Variants in FRYL observed in about 807,000 individuals in gnomAD.
The protein encoded by FRYL is protein furry homolog-like.
In FRYL, 150 loss-of-function variants were observed where a neutral mutation model predicts 351.2. The observed-to-expected ratio is 0.43, with a 90% CI of 0.37 to 0.49. The LOEUF (loss-of-function observed/expected upper bound fraction) is 0.49, where lower values mean the gene tolerates loss of function less well. Ranked by LOEUF, FRYL falls within the 20% of genes least tolerant of loss-of-function variation. The pLI is 0.00. For synonymous variants in FRYL, 1,153 were observed against 1,257.1 expected, an observed-to-expected ratio of 0.92 and a Z score of 1.75; for missense variants, 3,036 against 3,619.3, an observed-to-expected ratio of 0.84 and a Z score of 4.13.
At chr4:48,775,454 C>T (rs369041154) in intron 1 of FRYL, among the ~76,000 whole-genome samples, 3 of 152,080 alleles carry the variant, frequency 2.0e-5, no homozygotes, top group African/African-American at 4.8e-5. Flanking sequence ...CTGATTAGGC[C>T]GCCTGGCTGC....
intron 3 of FRYL, chr4:48,638,386 T>A (rs1458569905): frequency 6.6e-6 from 1 of 151,528 alleles, no homozygotes; most frequent in African/African-American, 2.4e-5. Context: ...AGTAAAAAAA[T>A]ATCTGTGACT....
At chr4:48,519,831 T>G (rs1378225165) in intron 55 of FRYL, among the ~76,000 whole-genome samples, 1 of 152,038 alleles carries the variant, frequency 6.6e-6, no homozygotes, top group Non-Finnish European at 1.5e-5. Flanking sequence ...CCTCCCGGGT[T>G]CAAGTGATTC....
chr4:48,570,160 G>A (rs544936843), intron 27 of FRYL, among the ~76,000 whole-genome samples: 2 of 152,088 alleles, frequency 1.3e-5, no homozygotes, highest in East Asian at 1.9e-4. Context: ...TTTTGGATAT[G>A]GTCACATCTA....
chr4:48,527,257 T>C (rs946668610), intron 53 of FRYL, among the ~76,000 whole-genome samples: 1 of 152,202 alleles, frequency 6.6e-6, no homozygotes, highest in Non-Finnish European at 1.5e-5. Context: ...AGCCATTTTT[T>C]AATTTTATAT....
chr4:48,502,463 T>C (rs1160275334), intron 61 of FRYL, among the ~76,000 whole-genome samples: 2 of 151,192 alleles, frequency 1.3e-5, no homozygotes, highest in Non-Finnish European at 2.9e-5. Flanking sequence ...GAGAATCGCT[T>C]GAACCTGGGA....
At chr4:48,603,091 T>C (rs1300722326) in intron 12 of FRYL, among the ~76,000 whole-genome samples, 199 bp downstream of exon 12, 1 of 152,130 alleles carries the variant, frequency 6.6e-6, no homozygotes, top group Non-Finnish European at 1.5e-5. Flanking sequence ...ACTCAACAAA[T>C]GCAGAGCTAG....
chr4:48,727,486 C>T (rs1272927695), intron 1 of FRYL: 2 of 152,106 alleles, frequency 1.3e-5, no homozygotes, highest in African/African-American at 2.4e-5. Flanking sequence ...GGAAGAAAAA[C>T]CTGACCTGTA....
chr4:48,752,570 A>G (rs542633933), intron 1 of FRYL, among the ~76,000 whole-genome samples: 1 of 152,298 alleles, frequency 6.6e-6, no homozygotes, highest in African/African-American at 2.4e-5. Context: ...TTCTCTGGTG[A>G]TATGTGCTGA....
chr4:48,583,139 G>T (rs761127682), intron 19 of FRYL, among the ~76,000 whole-genome samples: 1 of 151,332 alleles, frequency 6.6e-6, no homozygotes, highest in Non-Finnish European at 1.5e-5. Context: ...GCAAGGACAC[G>T]ATTTATCTCA....
At chr4:48,547,191 T>C (rs918304172) in intron 41 of FRYL, among the ~76,000 whole-genome samples, 1 of 152,226 alleles carries the variant, frequency 6.6e-6, no homozygotes, top group African/African-American at 2.4e-5. Context: ...TGTATGTTTT[T>C]AATGCAGTAA....
intron 21 of FRYL, among the ~76,000 whole-genome samples, chr4:48,581,199 C>T (rs1399550160): frequency 2.6e-5 from 4 of 152,010 alleles, no homozygotes; most frequent in Admixed American, 6.6e-5. Flanking sequence ...CGCCACCACG[C>T]CCGGCTAATT....
chr4:48,682,447 C>T (rs950080653), intron 3 of FRYL, among the ~76,000 whole-genome samples: 1 of 152,124 alleles, frequency 6.6e-6, no homozygotes, highest in African/African-American at 2.4e-5. Context: ...AGCTTCTGCA[C>T]AGCCAAAGAA....
chr4:48,779,904 C>T (rs1325725873), intron 1 of FRYL, among the ~76,000 whole-genome samples, 174 bp downstream of exon 1: 1 of 151,956 alleles, frequency 6.6e-6, no homozygotes, highest in Admixed American at 6.5e-5. Flanking sequence ...CGCCGCGCCG[C>T]TTGCCAGCCA....
Position 48,710,640 on chromosome 4 carries a change from G to T in FRYL, c.-325C>A. The T allele has an allele frequency of 2.5e-6, 1 of 398,536 alleles. No individual in the cohort carries two copies. Among genetic ancestry groups the T allele is most frequent in the Non-Finnish European group, 4.4e-6 (1 of 226,044 alleles). The allele number at this position is 398,536 out of a possible 1,614,324, so 24.7% of individuals were successfully genotyped here. ...TTACAGGCACTCGAGTGGGCACACT[G>T]GTACAAAGCAGTAGTGAGTGAGTCA... On this transcript the variant is annotated 5_prime_UTR_variant, in exon 2 of 64. Coordinates refer to ENST00000358350, the MANE Select transcript of FRYL (RefSeq NM_015030.2).
intron 3 of FRYL, chr4:48,680,991 A>C: frequency 7.8e-7 from 1 of 1,279,758 alleles, no homozygotes; most frequent in Non-Finnish European, 1.0e-6. Flanking sequence ...CACCTTGCTC[A>C]TCCACCGTCT....
chr4:48,727,064 A>T (rs555375169), intron 1 of FRYL, among the ~76,000 whole-genome samples: 25 of 152,318 alleles, frequency 1.6e-4, no homozygotes, highest in Non-Finnish European at 2.9e-4. Flanking sequence ...AACTACAGAA[A>T]TAAAGGTTTT....
At chr4:48,504,643 C>CTAT (rs1720511991) in intron 60 of FRYL, among the ~76,000 whole-genome samples, 1 of 152,072 alleles carries the variant, frequency 6.6e-6, no homozygotes, top group Admixed American at 6.6e-5. Context: ...CTTGGTTTCA[C>CTAT]TATTTGCTGA....
chr4:48,604,616 G>C (rs1239299006), intron 11 of FRYL, among the ~76,000 whole-genome samples: 1 of 152,162 alleles, frequency 6.6e-6, no homozygotes, highest in East Asian at 1.9e-4. Context: ...CTAAGCAAGG[G>C]GCATGGAGCA....
At chr4:48,771,164 C>T (rs918444183) in intron 1 of FRYL, among the ~76,000 whole-genome samples, 6 of 152,086 alleles carry the variant, frequency 3.9e-5, no homozygotes, top group South Asian at 2.1e-4. Flanking sequence ...TGAAAAAATG[C>T]ATGACAAACT....
Sources: gnomAD v4.1 joint callset for allele counts (sites outside exome capture counted in the v4.1 genomes callset) on GRCh38, gnomAD v4.1.1 for gene constraint, MANE v1.5 for transcripts, NCBI Gene and HGNC (gene_info 2026-07-23, HGNC 2026-07-21) for gene names.